The following SNAPC1 variants were observed in gnomAD, a reference collection of about 807,000 sequenced individuals.
SNAPC1 encodes small nuclear RNA activating complex polypeptide 1.
In SNAPC1, 42 loss-of-function variants were observed where a neutral mutation model predicts 50.1. The observed-to-expected ratio is 0.84, with a 90% confidence interval of 0.65 to 1.08. The LOEUF (loss-of-function observed/expected upper bound fraction) is 1.08. SNAPC1 is among the 50% of genes least tolerant of loss of function. The probability of loss-of-function intolerance (pLI) is 0.00; values close to 1 mark genes in which losing one functional copy is unlikely to be tolerated. For missense variants in SNAPC1, 477 were observed against 427.3 expected (o/e 1.12, Z -1.02); for synonymous variants, 164 against 144.2 (o/e 1.14, Z -0.98).
In SNAPC1 at chr14:61,763,843, A is replaced by G. The variant is rs2044927936; in HGVS notation, c.128+1255A>G. Among the ~76,000 whole-genome samples, 3 of 150,364 alleles carry G rather than the reference A, an allele frequency of 2.0e-5. No homozygotes were observed. The South Asian group carries it at 6.2e-4, about 31-fold the overall frequency. On this transcript the variant is annotated intron_variant, in intron 1 of 9. Transcript: ENST00000216294. ...TTACTTGAGTTTCCATATCTGTAAA[A>G]TAGAGGCAATGATAAACCTCATAGT...
Position 61,767,308 on chromosome 14 carries a change from C to G in SNAPC1, c.385C>G (p.Leu129Val). 6.5e-7 allele frequency: 1 copy of G among 1,529,996 alleles called. No individual in the cohort carries two copies. Among genetic ancestry groups the G allele is most frequent in the Non-Finnish European group, 8.8e-7 (1 of 1,139,276 alleles). 94.8% of individuals were successfully genotyped at this position (1,529,996 alleles called of 1,614,324 possible). A position where few individuals can be genotyped will look rare whatever the true frequency, so the allele number is the denominator to read the frequency against. The part of the protein sequence containing the change: ...HFDAAYIFRK[L>V]RLDRAFHFTA... ...TGATGCAGCTTATATTTTTAGGAAG[C>G]TACGACTAGACAGAGCATTTCACTT... is the stretch of plus-strand genomic sequence containing the variant. Residue 129 changes from leucine (L) to valine (V), a missense_variant, in exon 3 of 10, where the codon CTA (leucine) becomes GTA (valine). Transcript: ENST00000216294.
intron 4 of SNAPC1, among the ~76,000 whole-genome samples, chr14:61,772,322 A>G (rs1424656874): frequency 6.6e-5 from 10 of 151,846 alleles, no homozygotes; most frequent in African/African-American, 2.4e-4. Flanking sequence ...ATCTTGGCTC[A>G]CTGCAACTGC....
In SNAPC1 at chr14:61,767,288, C is replaced by T. The variant is rs749043067; in HGVS notation, c.365C>T (p.Ala122Val). ...TTAGTAAATGCACAGCATTTTGATGCAGCTTATATTTTTAGGAAGCTACGA... is the reference window on the plus strand; with the variant it reads ...TTAGTAAATGCACAGCATTTTGATGTAGCTTATATTTTTAGGAAGCTACGA... ...QDLVNAQHFDAAYIFRKLRLD... is the reference protein window; with the variant it reads ...QDLVNAQHFDVAYIFRKLRLD... The change falls in exon 3 of 10, where the codon GCA (alanine) becomes GTA (valine). Residue 122 changes from alanine to valine, a missense_variant. Ala to Val is a moderately conservative substitution (Grantham distance 64). Coordinates refer to ENST00000216294, the MANE Select transcript of SNAPC1 (RefSeq NM_003082.4). 1.5e-5 allele frequency: 23 copies of T among 1,527,974 alleles called. No homozygotes were observed. The East Asian group carries it at 5.6e-4, about 37-fold the overall frequency. The allele number at this position is 1,527,974 out of a possible 1,614,324, so 94.7% of individuals were successfully genotyped here. A position where few individuals can be genotyped will look rare whatever the true frequency, so the allele number is the denominator to read the frequency against.
chr14:61,777,021 A>G (rs748136542), intron 5 of SNAPC1, among the ~76,000 whole-genome samples: 25 of 151,672 alleles, frequency 1.6e-4, no homozygotes, highest in Non-Finnish European at 3.2e-4. Flanking sequence ...TAAATCTAGG[A>G]AAAAAAATTT....
Position 61,794,836 on chromosome 14 carries a change from T to C in SNAPC1, c.1073-113T>C. The stretch of plus-strand genomic sequence containing the variant: ...GTGTTGTACCAGTTAGACGTCTATG[T>C]AGTTGAAATGTGTATTATCAATTAG... On this transcript the variant is annotated intron_variant, in intron 9 of 9. Transcript: ENST00000216294. 3 of 751,336 alleles carry C rather than the reference T, an allele frequency of 4.0e-6. No individual in the cohort carries two copies. The South Asian group carries it at 4.4e-5, about 11-fold the overall frequency. The allele number at this position is 751,336 out of a possible 1,614,324, so 46.5% of individuals were successfully genotyped here.
intron 8 of SNAPC1, among the ~76,000 whole-genome samples, chr14:61,789,515 T>G (rs955622033): frequency 1.3e-5 from 2 of 152,198 alleles, no homozygotes; most frequent in African/African-American, 4.8e-5. Flanking sequence ...GTTTGGATTT[T>G]GTATAACCAA....
intron 8 of SNAPC1, among the ~76,000 whole-genome samples, chr14:61,788,308 C>A (rs563646342): frequency 6.6e-6 from 1 of 152,310 alleles, no homozygotes; most frequent in African/African-American, 2.4e-5. Flanking sequence ...AATAAAGACC[C>A]AAATGCTTAC....
At chr14:61,770,841 A>G (rs779180404) in intron 4 of SNAPC1, among the ~76,000 whole-genome samples, 19 of 152,088 alleles carry the variant, frequency 1.2e-4, no homozygotes, top group Non-Finnish European at 2.5e-4. Flanking sequence ...TCCAGGGCTC[A>G]AGTGATACTC....
intron 4 of SNAPC1, among the ~76,000 whole-genome samples, chr14:61,773,328 C>T (rs958261008): frequency 6.6e-6 from 1 of 151,530 alleles, no homozygotes; most frequent in African/African-American, 2.4e-5. Context: ...TGGAACTATG[C>T]TAGATGTTTT....
At chr14:61,773,697 T>G (rs1312713652) in intron 4 of SNAPC1, among the ~76,000 whole-genome samples, 1 of 56,164 alleles carries the variant, frequency 1.8e-5, no homozygotes, top group Non-Finnish European at 3.3e-5. Flanking sequence ...TGCCTGGCCT[T>G]TTTTTTTTTT....
intron 4 of SNAPC1, among the ~76,000 whole-genome samples, chr14:61,771,477 AT>A (rs973237437): frequency 3.3e-5 from 5 of 151,710 alleles, no homozygotes; most frequent in Admixed American, 6.6e-5. Context: ...AAGAACTAGG[AT>A]TTTTTTTTCC....
rs1320225683 is a variant in SNAPC1, at chr14:61,774,727, G to A, written c.535-1368G>A. Among the ~76,000 whole-genome samples, 6 of 145,038 alleles carry A rather than the reference G, an allele frequency of 4.1e-5. No homozygotes were observed. The South Asian group carries it at 1.3e-3, about 31-fold the overall frequency. On this transcript the variant is annotated intron_variant, in intron 4 of 9. Coordinates refer to ENST00000216294, the MANE Select transcript of SNAPC1 (RefSeq NM_003082.4). Reference sequence around the variant, plus strand: ...TGCGCAGGCTGGAGTGCAATGGTGCGATCCTGGCTTACCGCAACCTCTGCC... The same window carrying A: ...TGCGCAGGCTGGAGTGCAATGGTGCAATCCTGGCTTACCGCAACCTCTGCC...
intron 8 of SNAPC1, among the ~76,000 whole-genome samples, chr14:61,788,606 T>G (rs1421472169): frequency 6.6e-6 from 1 of 152,154 alleles, no homozygotes; most frequent in Non-Finnish European, 1.5e-5. Flanking sequence ...TCATTTATAA[T>G]TAAAGATATA....
intron 1 of SNAPC1, among the ~76,000 whole-genome samples, 163 bp downstream of exon 1, chr14:61,762,751 C>G (rs984255061): frequency 1.3e-5 from 2 of 152,032 alleles, no homozygotes; most frequent in South Asian, 4.1e-4. Context: ...AGGCAACGCG[C>G]TTTCCCTGCT....
At chr14:61,783,189 A>ATT (rs200748873) in intron 8 of SNAPC1, among the ~76,000 whole-genome samples, 133 of 149,764 alleles carry the variant, frequency 8.9e-4, no homozygotes, top group African/African-American at 3.2e-3. Context: ...TACCCAGCTA[A>ATT]TTTTTTTTTG....
Position 61,770,989 on chromosome 14 carries a change from G to A in SNAPC1, c.534+2249G>A, listed in dbSNP as rs116944243. Among the ~76,000 whole-genome samples the A allele has an allele frequency of 1.9e-3, 283 of 152,168 alleles. 7 individuals carry two copies. The East Asian group carries it at 0.037, about 20-fold the overall frequency. ...ACTCCTGAGCTCAGGCGATCCGCCCGCCTCAGCCTCCCAAAGTACTGCAAT... is the reference window on the plus strand; with the variant it reads ...ACTCCTGAGCTCAGGCGATCCGCCCACCTCAGCCTCCCAAAGTACTGCAAT... On this transcript the variant is annotated intron_variant, in intron 4 of 9. Coordinates refer to ENST00000216294, the MANE Select transcript of SNAPC1 (RefSeq NM_003082.4).
chr14:61,774,158 TC>T (rs2140178064), intron 4 of SNAPC1, among the ~76,000 whole-genome samples: 5 of 148,254 alleles, frequency 3.4e-5, no homozygotes, highest in African/African-American at 1.3e-4. Context: ...TATTTAATTT[TC>T]TTCTTCTTTT....
chr14:61,776,600 G>A (rs555871187), intron 5 of SNAPC1, among the ~76,000 whole-genome samples: 2 of 152,116 alleles, frequency 1.3e-5, no homozygotes, highest in Non-Finnish European at 2.9e-5. Context: ...TTGGCATAGT[G>A]TTGATTCTAA....
intron 6 of SNAPC1, 127 bp from the exon 7 acceptor site, chr14:61,778,721 T>C (rs1386820221): frequency 4.5e-6 from 3 of 668,568 alleles, no homozygotes; most frequent in Non-Finnish European, 8.0e-6. Flanking sequence ...ATACCCAATG[T>C]ATGTTAGTTT....
Sources: gnomAD v4.1 joint callset for allele counts (sites outside exome capture counted in the v4.1 genomes callset) on GRCh38, gnomAD v4.1.1 for gene constraint, MANE v1.5 for transcripts, NCBI Gene and HGNC (gene_info 2026-07-23, HGNC 2026-07-21) for gene names.